The following NRXN3 variants were observed in gnomAD, a reference collection of about 807,000 sequenced individuals.
The protein encoded by NRXN3 is neurexin 3.
A neutral mutation model predicts 137.6 loss-of-function variants in NRXN3; 32 were observed. The ratio of observed to expected loss-of-function variants is 0.23; its 90% confidence interval spans 0.18 to 0.31. NRXN3 has a LOEUF of 0.31. Ranked by LOEUF, NRXN3 falls within the 10% of genes least tolerant of loss-of-function variation. The probability of loss-of-function intolerance (pLI) is 1.00; values close to 1 mark genes in which losing one functional copy is unlikely to be tolerated. For synonymous variants in NRXN3, 798 were observed against 784.5 expected (o/e 1.02, Z -0.29); for missense variants, 1,574 against 2,062.5 (o/e 0.76, Z 4.59).
At chr14:79,301,654 G>T (rs1275064931) in intron 15 of NRXN3, among the ~76,000 whole-genome samples, 1 of 151,926 alleles carries the variant, frequency 6.6e-6, no homozygotes, top group Non-Finnish European at 1.5e-5. Context: ...CTAAGGCAGG[G>T]TTCAAACAAA....
intron 4 of NRXN3, among the ~76,000 whole-genome samples, chr14:78,332,262 A>G (rs765927989): frequency 2.7e-5 from 4 of 149,752 alleles, no homozygotes; most frequent in Non-Finnish European, 4.4e-5. Context: ...CCTCCCCATC[A>G]TTGTTGCCCT....
intron 3 of NRXN3, among the ~76,000 whole-genome samples, chr14:78,297,413 A>G (rs1442845479): frequency 1.3e-5 from 2 of 152,188 alleles, no homozygotes; most frequent in African/African-American, 4.8e-5. Context: ...GTGACCATGT[A>G]TTGCTATTAC....
At chr14:78,366,825 T>TAA (rs2086028471) in intron 4 of NRXN3, among the ~76,000 whole-genome samples, 2 of 152,226 alleles carry the variant, frequency 1.3e-5, no homozygotes, top group Non-Finnish European at 2.9e-5. Context: ...TTGTGAGAGT[T>TAA]ACAATTCAAT....
At chr14:78,318,820 C>T (rs919064349) in intron 4 of NRXN3, among the ~76,000 whole-genome samples, 2 of 152,308 alleles carry the variant, frequency 1.3e-5, no homozygotes, top group East Asian at 3.9e-4. Flanking sequence ...AGAGCAAAGG[C>T]CCTTCTTGAA....
chr14:78,429,104 C>A (rs532804779), intron 4 of NRXN3, among the ~76,000 whole-genome samples: 23 of 152,124 alleles, frequency 1.5e-4, no homozygotes, highest in African/African-American at 5.3e-4. Flanking sequence ...GAGACAGAGT[C>A]TTGCTCTGTC....
At chr14:79,853,456 T>C (rs2099396104) in intron 20 of NRXN3, 2 of 599,082 alleles carry the variant, frequency 3.3e-6, no homozygotes, top group African/African-American at 1.9e-5. Flanking sequence ...AGATTGTCAG[T>C]GTTAGAGTTC....
At chr14:79,527,895 GAAA>G (rs201543341) in intron 16 of NRXN3, among the ~76,000 whole-genome samples, 5,215 of 143,786 alleles carry the variant, frequency 0.036, 274 homozygotes, top group African/African-American at 0.12. Flanking sequence ...AAAAAAGAAA[GAAA>G]AAAGTAATGG....
intron 16 of NRXN3, among the ~76,000 whole-genome samples, chr14:79,653,900 A>G (rs1298672531): frequency 3.3e-5 from 5 of 152,156 alleles, no homozygotes; most frequent in Non-Finnish European, 5.9e-5. Flanking sequence ...AAAGCTGCCT[A>G]TGGCAAATGG....
At chr14:79,295,842 A>G (rs1368347926) in intron 15 of NRXN3, among the ~76,000 whole-genome samples, 1 of 152,110 alleles carries the variant, frequency 6.6e-6, no homozygotes, top group East Asian at 1.9e-4. Context: ...AGTTTTCCCT[A>G]TCTCCCACTG....
In NRXN3 at chr14:79,202,654, C is replaced by T. The variant is rs553494006; in HGVS notation, c.3262+214513C>T. 7.2e-5 allele frequency among the ~76,000 whole-genome samples: 11 copies of T among 152,248 alleles called. No homozygotes were observed. In the East Asian group the frequency reaches 7.7e-4, roughly 11 times the overall value. ...ATGTTTGGTTTTCCAACCTGAGTTACGTCATTTAGAATAATAGTCTCCAAA... is the reference window on the plus strand; with the variant it reads ...ATGTTTGGTTTTCCAACCTGAGTTATGTCATTTAGAATAATAGTCTCCAAA... On this transcript the variant is annotated intron_variant, in intron 15 of 20. Coordinates refer to ENST00000335750, the MANE Select transcript of NRXN3 (RefSeq NM_001330195.2).
chr14:79,467,458 G>T (rs953228480), intron 16 of NRXN3, 56 bp downstream of exon 16: 1 of 1,454,182 alleles, frequency 6.9e-7, no homozygotes, highest in Non-Finnish European at 9.4e-7. Flanking sequence ...CTGAGTTAGT[G>T]ATTCAGGTAG....
chr14:79,075,050 T>G (rs1875596), intron 15 of NRXN3, among the ~76,000 whole-genome samples: 1 of 152,194 alleles, frequency 6.6e-6, no homozygotes. Flanking sequence ...TTTACTTATT[T>G]TAATTTTATA....
intron 4 of NRXN3, among the ~76,000 whole-genome samples, chr14:78,629,135 C>G (rs1303163687): frequency 6.6e-6 from 1 of 152,120 alleles, no homozygotes; most frequent in Non-Finnish European, 1.5e-5. Flanking sequence ...TATCATCACC[C>G]CCATTTCAAG....
At chr14:79,173,659 A>G (rs948230998) in intron 15 of NRXN3, among the ~76,000 whole-genome samples, 1 of 152,168 alleles carries the variant, frequency 6.6e-6, no homozygotes, top group Non-Finnish European at 1.5e-5. Flanking sequence ...CAAAAACCCA[A>G]GTAACTGTGG....
intron 4 of NRXN3, among the ~76,000 whole-genome samples, chr14:78,351,788 T>C (rs1355931833): frequency 2.6e-5 from 4 of 151,050 alleles, no homozygotes; most frequent in East Asian, 1.9e-4. Flanking sequence ...TTTTCTTTTT[T>C]TTTTTTTTTT....
chr14:79,309,964 T>C (rs1415751178), intron 15 of NRXN3, among the ~76,000 whole-genome samples: 1 of 122,392 alleles, frequency 8.2e-6, no homozygotes, highest in African/African-American at 3.7e-5. Context: ...ATTTTGGCTT[T>C]TGTTGCCATT....
intron 15 of NRXN3, among the ~76,000 whole-genome samples, chr14:79,020,556 C>T (rs914862154): frequency 2.0e-5 from 3 of 151,378 alleles, no homozygotes; most frequent in South Asian, 2.1e-4. Context: ...TGAGCCACCA[C>T]GCCTGGCCGA....
chr14:78,774,141 A>C (rs1011319907), intron 8 of NRXN3, among the ~76,000 whole-genome samples: 1 of 152,016 alleles, frequency 6.6e-6, no homozygotes, highest in Non-Finnish European at 1.5e-5. Flanking sequence ...GCTATTACTT[A>C]GTTCCTGTGA....
chr14:78,188,040 C>T (rs558584317), intron 1 of NRXN3, among the ~76,000 whole-genome samples: 1 of 152,190 alleles, frequency 6.6e-6, no homozygotes, highest in East Asian at 1.9e-4. Context: ...TGTGACTGTC[C>T]TCCACATACT....
Sources: gnomAD v4.1 joint callset for allele counts (sites outside exome capture counted in the v4.1 genomes callset) on GRCh38, gnomAD v4.1.1 for gene constraint, MANE v1.5 for transcripts, NCBI Gene and HGNC (gene_info 2026-07-23, HGNC 2026-07-21) for gene names.